The following PCDHGA5 variants were observed in gnomAD, a reference collection of about 807,000 sequenced individuals.
PCDHGA5 encodes protocadherin gamma subfamily A, 5.
Under a neutral mutation model 56.7 loss-of-function variants are expected in PCDHGA5, and 36 were observed. The ratio of observed to expected loss-of-function variants is 0.64; its 90% CI spans 0.49 to 0.84. The LOEUF (loss-of-function observed/expected upper bound fraction) is 0.84. Ranked by LOEUF, PCDHGA5 falls within the 40% of genes least tolerant of loss-of-function variation. PCDHGA5 has a pLI of 0.00. For synonymous variants in PCDHGA5, 563 were observed against 520.2 expected, an observed-to-expected ratio of 1.08 and a Z score of -1.12; for missense variants, 1,305 against 1,201.5, an observed-to-expected ratio of 1.09 and a Z score of -1.27.
intron 1 of PCDHGA5, among the ~76,000 whole-genome samples, chr5:141,373,074 A>G (rs910796457): frequency 6.6e-6 from 1 of 152,228 alleles, no homozygotes; most frequent in Non-Finnish European, 1.5e-5. Flanking sequence ...TTTTTAATAC[A>G]GTATTATCTC....
chr5:141,431,498 T>C lies in PCDHGA5; in HGVS notation c.2422-63309T>C, dbSNP rs1274311782. On this transcript the variant is annotated intron_variant, in intron 1 of 3. Coordinates refer to ENST00000518069, the MANE Select transcript of PCDHGA5 (RefSeq NM_018918.3). The surrounding 1 kb of genome is among the most constrained non-coding windows in gnomAD (Gnocchi z 4.8). ...CGCACCAGCGTTTGCTCAGCCCGAG[T>C]ACCGCGCGAGCGTTCCGGAGAATCT... The C allele has an allele frequency of 6.2e-7, 1 of 1,613,992 alleles. No homozygotes were observed. Among genetic ancestry groups the C allele is most frequent in the Non-Finnish European group, 8.5e-7 (1 of 1,180,034 alleles).
intron 1 of PCDHGA5, among the ~76,000 whole-genome samples, chr5:141,459,559 A>AC (rs920626314): frequency 6.6e-6 from 1 of 152,198 alleles, no homozygotes; most frequent in Non-Finnish European, 1.5e-5. Flanking sequence ...TTGGATAAAT[A>AC]CCCCAAAACA....
chr5:141,446,578 GTGAT>G (rs2098507706), intron 1 of PCDHGA5, among the ~76,000 whole-genome samples: 1 of 152,064 alleles, frequency 6.6e-6, no homozygotes, highest in African/African-American at 2.4e-5. Context: ...CCAGGTTCAA[GTGAT>G]TCTTCTGCCT....
At chr5:141,383,985 T>C (rs924124642) in intron 1 of PCDHGA5, 1 of 1,613,822 alleles carries the variant, frequency 6.2e-7, no homozygotes, top group African/African-American at 1.3e-5. Flanking sequence ...ACACACCTCT[T>C]GGGACAGTCA....
At chr5:141,456,635 A>G (rs558958846) in intron 1 of PCDHGA5, among the ~76,000 whole-genome samples, 17 of 152,194 alleles carry the variant, frequency 1.1e-4, no homozygotes, top group Non-Finnish European at 2.2e-4. Context: ...CTTCTTTACT[A>G]CAGGTGTTAA....
intron 1 of PCDHGA5, chr5:141,370,878 G>C (rs906619365): frequency 3.7e-6 from 6 of 1,613,918 alleles, no homozygotes; most frequent in Non-Finnish European, 5.1e-6. Flanking sequence ...AGATCCTGAT[G>C]TAGGTGTCAA....
chr5:141,395,542 T>TTGTTTG lies in PCDHGA5; in HGVS notation c.2421+28794_2421+28795insTTGTGT, dbSNP rs1267535064. On this transcript the variant is annotated intron_variant, in intron 1 of 3. Coordinates refer to ENST00000518069, the MANE Select transcript of PCDHGA5 (RefSeq NM_018918.3). ...TCCATACTGGTAATTTTGCTATTGTTTGTGTGTGTGTGTGTGTGTGTGTGT... is the reference window on the plus strand; with the variant it reads ...TCCATACTGGTAATTTTGCTATTGTTTGTTTGTGTGTGTGTGTGTGTGTGTGTGTGT... 2.4e-3 allele frequency: 418 copies of TTGTTTG among 172,622 alleles called. 4 individuals carry two copies. The highest frequency in any genetic ancestry group is 0.019 in the African/African-American group (326 of 17,544). The allele number at this position is 172,622 out of a possible 1,614,324, so 10.7% of individuals were successfully genotyped here.
At chr5:141,399,949 A>G in intron 1 of PCDHGA5, 1 of 1,612,272 alleles carries the variant, frequency 6.2e-7, no homozygotes, top group Non-Finnish European at 8.5e-7. Flanking sequence ...GCTGCAGGCT[A>G]GCGAGCCCGG....
At chr5:141,509,310 G>A (rs1223508453) in intron 3 of PCDHGA5, among the ~76,000 whole-genome samples, 2 of 152,174 alleles carry the variant, frequency 1.3e-5, no homozygotes, top group Non-Finnish European at 1.5e-5. Flanking sequence ...GAGGGAGGCT[G>A]GGAGAGAAGC....
chr5:141,408,634 A>C, intron 1 of PCDHGA5: 2 of 1,614,040 alleles, frequency 1.2e-6, no homozygotes, highest in South Asian at 2.2e-5. Flanking sequence ...AAATTTTCGA[A>C]TCTGCATCCG....
In PCDHGA5 at chr5:141,365,344, G is replaced by C. The variant is rs1449148775; in HGVS notation, c.1014G>C (p.Gln338His). 6.2e-7 allele frequency: 1 copy of C among 1,613,966 alleles called. No homozygotes were observed. Among genetic ancestry groups the C allele is most frequent in the Non-Finnish European group, 8.5e-7 (1 of 1,179,888 alleles). ...GCGCTAAGGTGGTGGTCACAGTACA[G>C]GACGTGAATGACAATGCCCCCGAAG... is the stretch of plus-strand genomic sequence containing the variant. Reference protein sequence around the residue: ...VASAKVVVTVQDVNDNAPEVI... With the variant: ...VASAKVVVTVHDVNDNAPEVI... The change falls in exon 1 of 4, where the codon CAG becomes CAC. Residue 338 changes from glutamine (Q) to histidine (H), a missense_variant. Gln to His is a conservative substitution (Grantham distance 24). Coordinates refer to ENST00000518069, the MANE Select transcript of PCDHGA5 (RefSeq NM_018918.3).
chr5:141,389,211 G>A, intron 1 of PCDHGA5: 2 of 1,614,058 alleles, frequency 1.2e-6, no homozygotes, highest in South Asian at 2.2e-5. Flanking sequence ...CATTGGTGAT[G>A]TAAATGACAA....
chr5:141,428,886 G>T (rs1002869474), intron 1 of PCDHGA5: 3 of 149,710 alleles, frequency 2.0e-5, no homozygotes, highest in Non-Finnish European at 2.9e-5. Context: ...ACGGAGTCTC[G>T]CTCTGTGGTC....
chr5:141,371,912 C>T (rs1768180129), intron 1 of PCDHGA5: 11 of 1,613,380 alleles, frequency 6.8e-6, no homozygotes, highest in Non-Finnish European at 9.3e-6. Context: ...CCTACGTGTC[C>T]GTGAGCGCGC....
At chr5:141,507,429 G>C (rs1191174823) in intron 3 of PCDHGA5, 3 of 152,238 alleles carry the variant, frequency 2.0e-5, no homozygotes, top group African/African-American at 7.2e-5. Flanking sequence ...AGTGGGGCCA[G>C]GCCTACAGCT....
chr5:141,393,896 T>G (rs754023896), intron 1 of PCDHGA5: 1 of 1,613,942 alleles, frequency 6.2e-7, no homozygotes, highest in Non-Finnish European at 8.5e-7. Context: ...AAAATTCTCT[T>G]CCCGGGACAG....
intron 1 of PCDHGA5, chr5:141,389,146 C>A (rs567517174): frequency 3.7e-6 from 6 of 1,614,000 alleles, no homozygotes; most frequent in South Asian, 3.3e-5. Flanking sequence ...ATAACCGTTA[C>A]GGCAACAGAT....
At chr5:141,507,797 C>T (rs933921827) in intron 3 of PCDHGA5, among the ~76,000 whole-genome samples, 3 of 152,240 alleles carry the variant, frequency 2.0e-5, no homozygotes, top group Non-Finnish European at 2.9e-5. Flanking sequence ...TCTAAGCCTG[C>T]GCCCTGGGGA....
chr5:141,409,480 C>A, intron 1 of PCDHGA5: 1 of 1,614,002 alleles, frequency 6.2e-7, no homozygotes, highest in Non-Finnish European at 8.5e-7. Flanking sequence ...TAGCCACTGA[C>A]AGGGGCAAGC....
Sources: allele counts gnomAD v4.1 joint callset (sites outside exome capture counted in the v4.1 genomes callset), GRCh38; gene constraint gnomAD v4.1.1; non-coding constraint Gnocchi (gnomAD v3.1); transcripts MANE v1.5; gene names NCBI Gene and HGNC (gene_info 2026-07-23, HGNC 2026-07-21).